CTNNA2: variants seen among roughly 807,000 people sequenced by gnomAD.
CTNNA2 encodes the protein catenin alpha-2.
A neutral mutation model predicts 101.0 loss-of-function variants in CTNNA2; 42 were observed. That is an observed-to-expected ratio of 0.42 (90% CI 0.32 to 0.54). The LOEUF is 0.54. Among genes scored for constraint, CTNNA2 ranks in the 20% least tolerant of loss-of-function variants. CTNNA2 has a pLI of 0.14. For synonymous variants in CTNNA2, 450 were observed against 456.4 expected, an observed-to-expected ratio of 0.99 and a Z score of 0.18; for missense variants, 871 against 1,223.1, an observed-to-expected ratio of 0.71 and a Z score of 4.29.
chr2:80,293,779 A>AAG lies in CTNNA2; in HGVS notation c.1057-99432_1057-99431insAG, dbSNP rs1190823433. ...GAGCTGGTGGCAAATCTGCGGATGCAGTGGACTGAGTGGAAAGGGAATATT... is the reference window on the plus strand; with the variant it reads ...GAGCTGGTGGCAAATCTGCGGATGCAAGGTGGACTGAGTGGAAAGGGAATATT... On this transcript the variant is annotated intron_variant, in intron 7 of 18. Coordinates refer to ENST00000402739, the MANE Select transcript of CTNNA2 (RefSeq NM_001282597.3). Among the ~76,000 whole-genome samples the AAG allele has an allele frequency of 3.9e-5, 6 of 152,296 alleles. No individual in the cohort carries two copies. The East Asian group carries it at 1.2e-3, about 29-fold the overall frequency.
intron 7 of CTNNA2, 46 bp downstream of exon 7, chr2:79,909,843 T>A: frequency 6.5e-7 from 1 of 1,526,936 alleles, no homozygotes; most frequent in Non-Finnish European, 8.9e-7. Context: ...GATTCTGTTC[T>A]GCAATCGTGT....
At chr2:79,284,526 T>G (rs1468218449) in intron 2 of CTNNA2, among the ~76,000 whole-genome samples, 1 of 151,810 alleles carries the variant, frequency 6.6e-6, no homozygotes, top group East Asian at 2.0e-4. Context: ...ATCATGTGGT[T>G]TTTGTCTTCG....
chr2:79,213,233 G>A (rs546165070), intron 2 of CTNNA2, among the ~76,000 whole-genome samples: 15 of 152,296 alleles, frequency 9.8e-5, no homozygotes, highest in South Asian at 8.3e-4. Context: ...TGTCCTGAGC[G>A]ATGGGATCTG....
chr2:79,645,446 C>T (rs960248729), intron 1 of CTNNA2, among the ~76,000 whole-genome samples: 1 of 152,074 alleles, frequency 6.6e-6, no homozygotes, highest in Admixed American at 6.6e-5. Flanking sequence ...ACTAATAATA[C>T]CTGCCAACTA....
intron 3 of CTNNA2, among the ~76,000 whole-genome samples, chr2:79,340,615 C>T (rs1042584810): frequency 2.6e-5 from 4 of 151,994 alleles, no homozygotes; most frequent in African/African-American, 7.2e-5. Context: ...GGGCGGATCA[C>T]GAGGTCAGGA....
intron 17 of CTNNA2, among the ~76,000 whole-genome samples, chr2:80,612,078 A>T (rs216676): frequency 1.3e-5 from 2 of 151,482 alleles, no homozygotes; most frequent in East Asian, 3.9e-4. Flanking sequence ...GAGATTGAGA[A>T]GCTTGCCCTA....
intron 7 of CTNNA2, among the ~76,000 whole-genome samples, chr2:80,273,565 G>C (rs772922874): frequency 7.2e-5 from 11 of 152,026 alleles, no homozygotes; most frequent in Non-Finnish European, 1.2e-4. Context: ...ACAATGACCT[G>C]TAAGGCCAGC....
At chr2:79,835,164 T>G (rs1271417402) in intron 3 of CTNNA2, among the ~76,000 whole-genome samples, 1 of 152,158 alleles carries the variant, frequency 6.6e-6, no homozygotes, top group African/African-American at 2.4e-5. Context: ...TTTTCCTCAA[T>G]CAAAACTTGA....
rs562377291 is a variant in CTNNA2 at position 79,985,654 on chromosome 2, A to G, written c.1056+75857A>G. 2.6e-5 allele frequency among the ~76,000 whole-genome samples: 4 copies of G among 152,322 alleles called. No homozygotes were observed. The South Asian group carries it at 6.2e-4, about 24-fold the overall frequency. On this transcript the variant is annotated intron_variant, in intron 7 of 18. Transcript: ENST00000402739. ...ATGCATTAATGTTGCTCATTAAGCA[A>G]ACTAATCTACTGTATATGTTAACGT... is the stretch of plus-strand genomic sequence containing the variant.
At chr2:79,927,691 C>T (rs1260647876) in intron 7 of CTNNA2, among the ~76,000 whole-genome samples, 2 of 152,096 alleles carry the variant, frequency 1.3e-5, no homozygotes, top group African/African-American at 4.8e-5. Flanking sequence ...TAAAATCTGT[C>T]ATATATTAGG....
intron 14 of CTNNA2, among the ~76,000 whole-genome samples, chr2:80,582,314 G>T (rs557393352): frequency 6.6e-6 from 1 of 152,216 alleles, no homozygotes; most frequent in South Asian, 2.1e-4. Flanking sequence ...TTTTGAAATT[G>T]GTTCAAGGCC....
intron 8 of CTNNA2, among the ~76,000 whole-genome samples, chr2:80,402,077 A>G (rs1022304073): frequency 3.9e-5 from 6 of 152,180 alleles, no homozygotes; most frequent in African/African-American, 1.4e-4. Context: ...GATTCCCATT[A>G]TCCCTCCCTC....
At chr2:79,638,696 C>T (rs2104405402) in intron 1 of CTNNA2, among the ~76,000 whole-genome samples, 1 of 152,256 alleles carries the variant, frequency 6.6e-6, no homozygotes, top group East Asian at 1.9e-4. Flanking sequence ...AAATAATTTC[C>T]CTATGAGTTT....
chr2:80,147,063 T>C (rs12612101), intron 7 of CTNNA2, among the ~76,000 whole-genome samples: 75,487 of 151,274 alleles, frequency 0.5, 19,532 homozygotes, highest in Non-Finnish European at 0.57. Context: ...CCTCCTGGGT[T>C]CAAGCGATTC....
chr2:80,074,839 A>G (rs1307405496), intron 7 of CTNNA2, among the ~76,000 whole-genome samples: 1 of 152,190 alleles, frequency 6.6e-6, no homozygotes, highest in Non-Finnish European at 1.5e-5. Context: ...TTAGGTTACT[A>G]AGCCTTACAA....
At chr2:79,279,251 G>A (rs1436349995) in intron 2 of CTNNA2, among the ~76,000 whole-genome samples, 1 of 152,006 alleles carries the variant, frequency 6.6e-6, no homozygotes, top group Non-Finnish European at 1.5e-5. Flanking sequence ...TAAGTAACTG[G>A]GGTTGTGTGC....
chr2:79,275,904 T>G (rs2104316037), intron 2 of CTNNA2, among the ~76,000 whole-genome samples: 1 of 151,792 alleles, frequency 6.6e-6, no homozygotes, highest in South Asian at 2.1e-4. Context: ...GCATAGAATG[T>G]TAGATGTTAA....
intron 7 of CTNNA2, among the ~76,000 whole-genome samples, chr2:80,245,633 C>T (rs1258417889): frequency 1.3e-5 from 2 of 151,830 alleles, no homozygotes; most frequent in African/African-American, 4.8e-5. Flanking sequence ...TTCTCTAAGA[C>T]TCATGAAACC....
chr2:79,962,847 G>A (rs1039553395), intron 7 of CTNNA2, among the ~76,000 whole-genome samples: 7 of 152,042 alleles, frequency 4.6e-5, no homozygotes, highest in East Asian at 1.9e-4. Flanking sequence ...CGAGGCGGGC[G>A]GATCACGAGG....
Sources: gnomAD v4.1 joint callset for allele counts (sites outside exome capture counted in the v4.1 genomes callset) on GRCh38, gnomAD v4.1.1 for gene constraint, MANE v1.5 for transcripts, NCBI Gene and HGNC (gene_info 2026-07-23, HGNC 2026-07-21) for gene names.